The following TCF7L1 variants were observed in gnomAD, a reference collection of about 807,000 sequenced individuals.
The protein encoded by TCF7L1 is transcription factor 7 like 1, also known as transcription factor 7-like 1.
In TCF7L1, 18 loss-of-function variants were observed where a neutral mutation model predicts 63.7. That is an observed-to-expected ratio of 0.28 (90% CI 0.20 to 0.42). TCF7L1 has a LOEUF of 0.42. Ranked by LOEUF, TCF7L1 falls within the 10% of genes least tolerant of loss-of-function variation. TCF7L1 has a pLI of 1.00. For synonymous variants in TCF7L1, 355 were observed against 340.9 expected (o/e 1.04, Z -0.46); for missense variants, 654 against 779.3 (o/e 0.84, Z 1.91).
At chr2:85,221,034 T>A (rs1172984062) in intron 3 of TCF7L1, among the ~76,000 whole-genome samples, 3 of 152,114 alleles carry the variant, frequency 2.0e-5, no homozygotes, top group African/African-American at 7.2e-5. Flanking sequence ...GAGACCCAAG[T>A]CTATTGTTAC....
intron 3 of TCF7L1, chr2:85,216,995 T>A (rs534692867): frequency 1.3e-5 from 2 of 152,300 alleles, no homozygotes; most frequent in South Asian, 4.2e-4. Context: ...GTTGCCTTCT[T>A]AATGACCCCA....
intron 3 of TCF7L1, among the ~76,000 whole-genome samples, chr2:85,175,705 GA>G (rs1285548594): frequency 2.0e-5 from 3 of 152,258 alleles, no homozygotes; most frequent in Non-Finnish European, 4.4e-5. Context: ...AGTGAACAGA[GA>G]AAAAAAGAAC....
At chr2:85,308,069 A>G (rs1682158800) in intron 11 of TCF7L1, among the ~76,000 whole-genome samples, 1 of 152,180 alleles carries the variant, frequency 6.6e-6, no homozygotes, top group Non-Finnish European at 1.5e-5. Context: ...AGCCCCTGAC[A>G]TCCCACCTGT....
chr2:85,229,493 C>T (rs1680026583), intron 3 of TCF7L1, among the ~76,000 whole-genome samples: 1 of 152,180 alleles, frequency 6.6e-6, no homozygotes, highest in Admixed American at 6.5e-5. Flanking sequence ...ACAAGTGCAG[C>T]TCTATTCTGA....
At chr2:85,136,861 C>G (rs546666856) in intron 3 of TCF7L1, among the ~76,000 whole-genome samples, 48 of 152,186 alleles carry the variant, frequency 3.2e-4, no homozygotes, top group African/African-American at 1.1e-3. Context: ...TTCTGCTGAA[C>G]GATTCTATTA....
chr2:85,136,516 A>G (rs1433874107), intron 3 of TCF7L1, among the ~76,000 whole-genome samples: 1 of 152,142 alleles, frequency 6.6e-6, no homozygotes, highest in Non-Finnish European at 1.5e-5. Flanking sequence ...TCATCTCTGC[A>G]GTTGTTCCCT....
At chr2:85,270,274 CTT>C (rs2104355574) in intron 3 of TCF7L1, among the ~76,000 whole-genome samples, 1 of 152,358 alleles carries the variant, frequency 6.6e-6, no homozygotes, top group South Asian at 2.1e-4. Context: ...AGTCCGTAAA[CTT>C]TAGAATTCTC....
At chr2:85,209,748 T>C (rs1489769598) in intron 3 of TCF7L1, among the ~76,000 whole-genome samples, 4 of 152,144 alleles carry the variant, frequency 2.6e-5, no homozygotes, top group Non-Finnish European at 5.9e-5. Flanking sequence ...ACCCAGGCAA[T>C]GGGGAGCGAC....
At chr2:85,144,435 C>CAA (rs1558614884) in intron 3 of TCF7L1, among the ~76,000 whole-genome samples, 3 of 128,128 alleles carry the variant, frequency 2.3e-5, no homozygotes, top group African/African-American at 8.9e-5. Context: ...AAAAAAAAAA[C>CAA]AAAAACCAAA....
intron 3 of TCF7L1, among the ~76,000 whole-genome samples, chr2:85,280,264 G>A (rs1681380153): frequency 6.6e-6 from 1 of 152,018 alleles, no homozygotes; most frequent in African/African-American, 2.4e-5. Context: ...ATAGTTAGAG[G>A]CCAAAGATGT....
At chr2:85,249,337 T>G (rs553920825) in intron 3 of TCF7L1, among the ~76,000 whole-genome samples, 79 of 152,312 alleles carry the variant, frequency 5.2e-4, no homozygotes, top group Middle Eastern at 6.8e-3. Context: ...CTTGCATGGG[T>G]GAGCAGAGTC....
At chr2:85,154,639 G>T (rs1257309978) in intron 3 of TCF7L1, among the ~76,000 whole-genome samples, 1 of 152,106 alleles carries the variant, frequency 6.6e-6, no homozygotes, top group Non-Finnish European at 1.5e-5. Context: ...CTCTGTACTT[G>T]AGCACATTTC....
chr2:85,306,608 C>A lies in TCF7L1; in HGVS notation c.1257+49C>A. On this transcript the variant is annotated intron_variant, in intron 10 of 11. Coordinates refer to ENST00000282111, the MANE Select transcript of TCF7L1 (RefSeq NM_031283.3). This position sits in a 1 kb window ranked among gnomAD's most constrained non-coding sequence, Gnocchi z 4.3. The stretch of plus-strand genomic sequence containing the variant: ...GACGCTCAGACCCCAGGAACAGCCT[C>A]TGCAAGAGGAGGAAGGGTGAAGGAA... The A allele has an allele frequency of 6.8e-7, 1 of 1,473,574 alleles. No individual in the cohort carries two copies. Among genetic ancestry groups the A allele is most frequent in the South Asian group, 1.1e-5 (1 of 87,362 alleles). The allele number at this position is 1,473,574 out of a possible 1,614,324, so 91.3% of individuals were successfully genotyped here. A position where few individuals can be genotyped will look rare whatever the true frequency, so the allele number is the denominator to read the frequency against.
At chr2:85,201,954 TTTATTTA>T in intron 3 of TCF7L1, among the ~76,000 whole-genome samples, 1 of 151,728 alleles carries the variant, frequency 6.6e-6, no homozygotes, top group African/African-American at 2.4e-5. Flanking sequence ...TATTTATTTA[TTTATTTA>T]TTTATTTTAT....
At chr2:85,165,991 T>C (rs1678408032) in intron 3 of TCF7L1, among the ~76,000 whole-genome samples, 1 of 152,246 alleles carries the variant, frequency 6.6e-6, no homozygotes, top group Non-Finnish European at 1.5e-5. Flanking sequence ...TGTATAAATT[T>C]GTGTAACTAA....
At chr2:85,175,569 A>G (rs1476463823) in intron 3 of TCF7L1, among the ~76,000 whole-genome samples, 1 of 152,126 alleles carries the variant, frequency 6.6e-6, no homozygotes, top group African/African-American at 2.4e-5. Flanking sequence ...AATGAGGTAC[A>G]CCCTGTTCTT....
At chr2:85,136,830 T>C (rs1677606795) in intron 3 of TCF7L1, among the ~76,000 whole-genome samples, 1 of 152,204 alleles carries the variant, frequency 6.6e-6, no homozygotes, top group African/African-American at 2.4e-5. Flanking sequence ...TTGTCTGGAC[T>C]ATAGGGTGGA....
intron 6 of TCF7L1, 21 bp downstream of exon 6, chr2:85,304,018 C>A: frequency 1.3e-6 from 2 of 1,548,860 alleles, no homozygotes; most frequent in Non-Finnish European, 1.8e-6. Flanking sequence ...CACAGCCTCT[C>A]TTCCCCCTGC....
At chr2:85,277,858 A>T (rs1281281796) in intron 3 of TCF7L1, among the ~76,000 whole-genome samples, 1 of 152,088 alleles carries the variant, frequency 6.6e-6, no homozygotes, top group East Asian at 1.9e-4. Flanking sequence ...AACAGGGAGA[A>T]TGTGGGCATT....
Sources: allele counts gnomAD v4.1 joint callset (sites outside exome capture counted in the v4.1 genomes callset), GRCh38; gene constraint gnomAD v4.1.1; non-coding constraint Gnocchi (gnomAD v3.1); transcripts MANE v1.5; gene names NCBI Gene and HGNC (gene_info 2026-07-23, HGNC 2026-07-21).